The following NFKBIZ variants were observed in gnomAD, a reference collection of about 807,000 sequenced individuals.
NFKBIZ encodes the protein NF-kappa-B inhibitor zeta.
A neutral mutation model predicts 76.8 loss-of-function variants in NFKBIZ; 19 were observed. The ratio of observed to expected loss-of-function variants is 0.25; its 90% CI spans 0.17 to 0.36. NFKBIZ has a LOEUF of 0.36. Ranked by LOEUF, NFKBIZ falls within the 10% of genes least tolerant of loss-of-function variation. NFKBIZ has a pLI of 1.00. For synonymous variants in NFKBIZ, 368 were observed against 354.8 expected (o/e 1.04, Z -0.42); for missense variants, 829 against 910.9 (o/e 0.91, Z 1.16).
chr3:101,853,238 A>C lies in NFKBIZ; in HGVS notation c.712A>C (p.Ser238Arg). Residue 238 changes from serine (S) to arginine (R), a missense_variant, in exon 5 of 12, where the codon AGC (serine) becomes CGC (arginine). Around this residue, in one of 4 missense-constraint regions of NFKBIZ, gnomAD observed 371 missense variants for 332.3 expected, o/e 1.12. Transcript: ENST00000326172. ...SPVSLNTVQV[S>R]WLNPVVVPQS... ...CGTTTCCCTGAACACAGTTCAAGTT[A>C]GCTGGCTGAACCCCGTGGTGGTCCC... 1 of 1,614,200 alleles carries C rather than the reference A, an allele frequency of 6.2e-7. No homozygotes were observed. Among genetic ancestry groups the C allele is most frequent in the Non-Finnish European group, 8.5e-7 (1 of 1,180,040 alleles).
intron 1 of NFKBIZ, 26 bp downstream of exon 1, chr3:101,849,943 G>C (rs1041893316): frequency 1.7e-5 from 23 of 1,364,492 alleles, no homozygotes; most frequent in Non-Finnish European, 2.2e-5. Context: ...GCACCGCTGC[G>C]TACTCGGGGC....
rs542367225 is a variant in NFKBIZ at position 101,860,681 on chromosome 3, T to A, written c.*1310T>A. 142 of 152,272 alleles carry A rather than the reference T, an allele frequency of 9.3e-4. No individual in the cohort carries two copies. The highest frequency in any genetic ancestry group is 3.3e-3 in the African/African-American group (138 of 41,542). The allele number at this position is 152,272 out of a possible 1,614,324, so 9.4% of individuals were successfully genotyped here. A position where few individuals can be genotyped will look rare whatever the true frequency, so the allele number is the denominator to read the frequency against. On this transcript the variant is annotated 3_prime_UTR_variant, in exon 12 of 12. Transcript: ENST00000326172. ...ATCATTCAGAAAAAGTTTTATTTTT[T>A]AATAACATTCTATTAACATTATTTT...
rs747979546 is a variant in NFKBIZ, at chr3:101,855,374, G to A, written c.1591-21G>A. 3.4e-5 allele frequency: 55 copies of A among 1,613,822 alleles called. No individual in the cohort carries two copies. In the Middle Eastern group the frequency reaches 9.9e-4, roughly 29 times the overall value. On this transcript the variant is annotated intron_variant, in intron 7 of 11. Coordinates refer to ENST00000326172, the MANE Select transcript of NFKBIZ (RefSeq NM_031419.4). ...TGCGCAGCTTATGTAGCTAACAGAT[G>A]TCTGTTTTTAAAATCTGCAGGCGAT...
At chr3:101,851,190 A>G (rs1464854944) in intron 1 of NFKBIZ, among the ~76,000 whole-genome samples, 2 of 152,230 alleles carry the variant, frequency 1.3e-5, no homozygotes, top group East Asian at 1.9e-4. Flanking sequence ...TGTACACTTG[A>G]TGGAGCGGCT....
upstream of NFKBIZ, among the ~76,000 whole-genome samples, chr3:101,847,287 T>C (rs1336926973): frequency 6.6e-6 from 1 of 152,268 alleles, no homozygotes; most frequent in Non-Finnish European, 1.5e-5. Context: ...TAAATGATTT[T>C]GGTTTCCAAG....
At chr3:101,854,550 C>G in intron 5 of NFKBIZ, 28 bp from the exon 6 acceptor site, 2 of 1,344,190 alleles carry the variant, frequency 1.5e-6, no homozygotes, top group Admixed American at 1.8e-5. Context: ...AGAAGTGATT[C>G]ACCCGCTTTC....
At position 101,858,154 on chromosome 3, in the gene NFKBIZ, G is replaced by A. The variant is rs565372832; in HGVS notation, c.2103+695G>A. The stretch of plus-strand genomic sequence containing the variant: ...TCCTGGGAGGAATGAGGGGGATTGT[G>A]GCTGTGGGTAGGTCATTACATACTT... On this transcript the variant is annotated intron_variant, in intron 11 of 11. Coordinates refer to ENST00000326172, the MANE Select transcript of NFKBIZ (RefSeq NM_031419.4). The A allele has an allele frequency of 8.1e-6, 8 of 985,140 alleles. No individual in the cohort carries two copies. The African/African-American group carries it at 1.4e-4, about 17-fold the overall frequency. 61.0% of individuals were successfully genotyped at this position (985,140 alleles called of 1,614,324 possible).
chr3:101,855,012 A>G (rs768416367), intron 6 of NFKBIZ, 50 bp from the exon 7 acceptor site: 68 of 1,529,682 alleles, frequency 4.4e-5, no homozygotes, highest in Non-Finnish European at 6.0e-5. Context: ...ATTCCTTGTT[A>G]TGATAACATT....
upstream of NFKBIZ, among the ~76,000 whole-genome samples, chr3:101,845,361 A>G (rs1942836626): frequency 6.7e-6 from 1 of 148,914 alleles, no homozygotes; most frequent in Admixed American, 6.7e-5. Flanking sequence ...TTGTATGATC[A>G]TAGCCTACTG....
At chr3:101,851,797 A>T (rs1560087409) in intron 1 of NFKBIZ, among the ~76,000 whole-genome samples, 2 of 152,216 alleles carry the variant, frequency 1.3e-5, no homozygotes, top group Admixed American at 1.3e-4. Context: ...TGAGAGATAG[A>T]GAGGCTTAAT....
intron 9 of NFKBIZ, among the ~76,000 whole-genome samples, chr3:101,856,291 C>G (rs1466821101): frequency 6.6e-6 from 1 of 152,202 alleles, no homozygotes. Flanking sequence ...ACCTCGTGAT[C>G]TGCCCGCCTC....
At chr3:101,850,193 AGATCGCTCGCTCTCT>A (rs1942931154) in intron 1 of NFKBIZ, 2 of 377,572 alleles carry the variant, frequency 5.3e-6, no homozygotes, top group Admixed American at 9.3e-5. Flanking sequence ...AGTGACCAGG[AGATCGCTCGCTCTCT>A]AAGAAGCAGC....
At chr3:101,846,708 A>G (rs1311594279), upstream of NFKBIZ, among the ~76,000 whole-genome samples, 1 of 152,240 alleles carries the variant, frequency 6.6e-6, no homozygotes, top group Non-Finnish European at 1.5e-5. Flanking sequence ...ATTGGTGGGT[A>G]GAAAACAAAA....
At chr3:101,852,003 A>C in intron 1 of NFKBIZ, 82 bp from the exon 2 acceptor site, 1 of 1,523,874 alleles carries the variant, frequency 6.6e-7, no homozygotes, top group Non-Finnish European at 8.9e-7. Context: ...TACATTAGGC[A>C]ACAGCTATAC....
Position 101,853,691 on chromosome 3 carries a change from G to A in NFKBIZ, c.1165G>A (p.Glu389Lys), listed in dbSNP as rs749786505. 6.8e-6 allele frequency: 11 copies of A among 1,614,236 alleles called. No homozygotes were observed. The highest frequency in any genetic ancestry group is 1.6e-4 in the Middle Eastern group (1 of 6,062). Residue 389 changes from glutamate (E) to lysine (K), a missense_variant, in exon 5 of 12, where the codon GAG becomes AAG. Around this residue, in one of 4 missense-constraint regions of NFKBIZ, gnomAD observed 371 missense variants for 332.3 expected, o/e 1.12. Transcript: ENST00000326172. ...CGCCTGTGAGGCCATGGTGGGGCAC[G>A]AGATGGCCTCTGACTCTTCAAACAC... Reference protein sequence around the residue: ...SSACEAMVGHEMASDSSNTSL... With the variant: ...SSACEAMVGHKMASDSSNTSL...
intron 1 of NFKBIZ, among the ~76,000 whole-genome samples, chr3:101,851,331 G>A (rs1272805488): frequency 2.6e-5 from 4 of 152,232 alleles, no homozygotes; most frequent in Non-Finnish European, 4.4e-5. Flanking sequence ...AAGTTTAAAA[G>A]TGAAACAAGC....
chr3:101,831,552 G>GTTTCT (rs1022928218), intron 2 of NFKBIZ, among the ~76,000 whole-genome samples: 1 of 151,974 alleles, frequency 6.6e-6, no homozygotes, highest in East Asian at 1.9e-4. Flanking sequence ...AACGTTTTTA[G>GTTTCT]TTTCTTTTCT....
Position 101,857,799 on chromosome 3 carries a change from G to A in NFKBIZ, c.2103+340G>A, listed in dbSNP as rs554905250. 2.1e-5 allele frequency: 21 copies of A among 985,292 alleles called. No homozygotes were observed. In the African/African-American group the frequency reaches 3.5e-4, roughly 16 times the overall value. The allele number at this position is 985,292 out of a possible 1,614,324, so 61.0% of individuals were successfully genotyped here. On this transcript the variant is annotated intron_variant, in intron 11 of 11. Transcript: ENST00000326172. The stretch of plus-strand genomic sequence containing the variant: ...ACCAAGGAAAGAGAATCTTAGTCTT[G>A]TAATGTATGAGCCTTCAAATATTGT...
rs1406316180 is a variant in NFKBIZ at position 101,849,783 on chromosome 3, G to A, written c.155G>A (p.Cys52Tyr). The A allele has an allele frequency of 5.5e-6, 8 of 1,458,140 alleles. No individual in the cohort carries two copies. Among genetic ancestry groups the A allele is most frequent in the Non-Finnish European group, 7.2e-6 (8 of 1,111,212 alleles). The allele number at this position is 1,458,140 out of a possible 1,614,324, so 90.3% of individuals were successfully genotyped here. A position where few individuals can be genotyped will look rare whatever the true frequency, so the allele number is the denominator to read the frequency against. Residue 52 changes from cysteine (C) to tyrosine (Y), a missense_variant, in exon 1 of 12, where the codon TGC becomes TAC. By Grantham distance (194) the Cys-to-Tyr change is radical (BLOSUM62 -2). This residue lies in a region of NFKBIZ where 181 missense variants were observed against 175.3 expected (regional missense o/e 1.03). Transcript: ENST00000326172. ...AAAPGACDAS[C>Y]SVLGPSAPGS... is the part of the protein sequence containing the mutation. ...GCCCCGGGCGCCTGCGACGCCAGCT[G>A]CTCGGTCTTGGGCCCCTCGGCGCCC... is the stretch of plus-strand genomic sequence containing the variant.
Sources: gnomAD v4.1 joint callset for allele counts (sites outside exome capture counted in the v4.1 genomes callset) on GRCh38, gnomAD v4.1.1 for gene constraint, gnomAD v4.1.1 regional missense constraint, MANE v1.5 for transcripts, NCBI Gene and HGNC (gene_info 2026-07-23, HGNC 2026-07-21) for gene names.